The following RBFOX1 variants were observed in gnomAD, a reference collection of about 807,000 sequenced individuals.
RBFOX1 encodes RNA binding fox-1 homolog 1.
A neutral mutation model predicts 57.7 loss-of-function variants in RBFOX1; 8 were observed. The ratio of observed to expected loss-of-function variants is 0.14; its 90% CI spans 0.08 to 0.25. The LOEUF (loss-of-function observed/expected upper bound fraction) is 0.25. Among genes scored for constraint, RBFOX1 ranks in the 10% least tolerant of loss-of-function variants. RBFOX1 has a pLI of 1.00. For missense variants in RBFOX1, 611 were observed against 548.5 expected (o/e 1.11, Z -1.14); for synonymous variants, 326 against 222.4 (o/e 1.47, Z -4.15).
intron 4 of RBFOX1, among the ~76,000 whole-genome samples, chr16:7,390,973 G>C (rs1219798860): frequency 6.6e-6 from 1 of 152,118 alleles, no homozygotes; most frequent in Admixed American, 6.5e-5. Context: ...CTTGGAACAG[G>C]GAGTTTCCTG....
At chr16:5,873,235 T>C (rs9937027) in intron 4 of RBFOX1, among the ~76,000 whole-genome samples, 17,341 of 152,250 alleles carry the variant, frequency 0.11, 1,916 homozygotes, top group African/African-American at 0.28. Context: ...AGACCTGTTG[T>C]TTTGAAAGCT....
chr16:7,066,941 A>G (rs2056198119), intron 4 of RBFOX1, among the ~76,000 whole-genome samples: 1 of 152,226 alleles, frequency 6.6e-6, no homozygotes, highest in South Asian at 2.1e-4. Flanking sequence ...TAGTTTATAT[A>G]CCAAACTGTA....
At chr16:5,456,691 C>T (rs922001866) in intron 1 of RBFOX1, among the ~76,000 whole-genome samples, 2 of 152,138 alleles carry the variant, frequency 1.3e-5, no homozygotes, top group Non-Finnish European at 2.9e-5. Context: ...TTGGATACCT[C>T]TCTTCTCTTG....
intron 2 of RBFOX1, among the ~76,000 whole-genome samples, chr16:6,617,191 C>G (rs939750663): frequency 6.6e-6 from 1 of 151,854 alleles, no homozygotes; most frequent in Non-Finnish European, 1.5e-5. Flanking sequence ...TTGATCTCAT[C>G]TGTATAGGGT....
At chr16:6,096,429 T>A (rs188313098) in intron 1 of RBFOX1, among the ~76,000 whole-genome samples, 16 of 152,334 alleles carry the variant, frequency 1.1e-4, no homozygotes, top group African/African-American at 3.1e-4. Flanking sequence ...CGTGACAGCA[T>A]TTCCTCACAT....
At chr16:7,165,963 C>CATACATACATACGT (rs60902094) in intron 4 of RBFOX1, among the ~76,000 whole-genome samples, 17 of 76,040 alleles carry the variant, frequency 2.2e-4, no homozygotes, top group African/African-American at 6.0e-4. Flanking sequence ...CACACACACA[C>CATACATACATACGT]ACATACATAC....
At chr16:6,243,743 G>C (rs1462459042) in intron 1 of RBFOX1, among the ~76,000 whole-genome samples, 3 of 152,154 alleles carry the variant, frequency 2.0e-5, no homozygotes, top group Non-Finnish European at 4.4e-5. Context: ...TTCAGAAATT[G>C]CTGGGGGCCC....
intron 3 of RBFOX1, among the ~76,000 whole-genome samples, chr16:5,779,993 G>A (rs2054274959): frequency 6.6e-6 from 1 of 152,206 alleles, no homozygotes; most frequent in Admixed American, 6.5e-5. Flanking sequence ...TACCTTAAAA[G>A]CATGTTTGCT....
intron 1 of RBFOX1, among the ~76,000 whole-genome samples, chr16:6,139,849 G>A (rs2096700952): frequency 6.6e-6 from 1 of 152,144 alleles, no homozygotes; most frequent in Non-Finnish European, 1.5e-5. Flanking sequence ...CTTCTCAGGA[G>A]GAAGGAAGCA....
intron 1 of RBFOX1, among the ~76,000 whole-genome samples, chr16:6,289,409 G>A (rs1176689496): frequency 6.6e-6 from 1 of 152,096 alleles, no homozygotes; most frequent in African/African-American, 2.4e-5. Flanking sequence ...TAGGAAGTGA[G>A]GAAGTAACTC....
intron 6 of RBFOX1, among the ~76,000 whole-genome samples, chr16:7,581,679 T>C (rs1157502947): frequency 6.6e-6 from 1 of 152,124 alleles, no homozygotes; most frequent in Non-Finnish European, 1.5e-5. Context: ...AAAATTGTAC[T>C]ACCGGTCATC....
At chr16:6,853,044 C>T (rs942356017) in intron 3 of RBFOX1, among the ~76,000 whole-genome samples, 18 of 152,162 alleles carry the variant, frequency 1.2e-4, no homozygotes, top group Non-Finnish European at 2.4e-4. Flanking sequence ...TGGCTTATTG[C>T]CAGGCAACCC....
chr16:7,584,702 G>T (rs977826969), intron 6 of RBFOX1, among the ~76,000 whole-genome samples: 12 of 152,250 alleles, frequency 7.9e-5, no homozygotes, highest in Non-Finnish European at 1.6e-4. Flanking sequence ...GTCTGCGAAT[G>T]AGTCGTGTCT....
chr16:5,368,686 G>T (rs971037939), intron 1 of RBFOX1, among the ~76,000 whole-genome samples: 1 of 152,118 alleles, frequency 6.6e-6, no homozygotes, highest in African/African-American at 2.4e-5. Flanking sequence ...AAAAATTCTG[G>T]CCTTTCAGGG....
At chr16:6,971,466 G>A (rs942641780) in intron 3 of RBFOX1, among the ~76,000 whole-genome samples, 1 of 151,718 alleles carries the variant, frequency 6.6e-6, no homozygotes, top group African/African-American at 2.4e-5. Context: ...GCAGTGCAGA[G>A]CTTTTCAGAT....
At chr16:6,815,721 C>T (rs1043136689) in intron 3 of RBFOX1, among the ~76,000 whole-genome samples, 3 of 152,232 alleles carry the variant, frequency 2.0e-5, no homozygotes, top group East Asian at 1.9e-4. Context: ...AACCATTACC[C>T]ACTCTTCTCT....
intron 3 of RBFOX1, among the ~76,000 whole-genome samples, chr16:6,966,101 A>G (rs184325794): frequency 6.6e-6 from 1 of 152,252 alleles, no homozygotes; most frequent in African/African-American, 2.4e-5. Context: ...GGGGTTCTCA[A>G]CCATAGACTG....
intron 4 of RBFOX1, among the ~76,000 whole-genome samples, chr16:7,517,448 T>C (rs534360163): frequency 1.3e-5 from 2 of 152,030 alleles, no homozygotes; most frequent in South Asian, 4.2e-4. Flanking sequence ...ATGCTTAAAA[T>C]GGGGATGTCA....
intron 2 of RBFOX1, among the ~76,000 whole-genome samples, chr16:6,492,585 A>T (rs1193112357): frequency 1.4e-5 from 2 of 142,080 alleles, no homozygotes; most frequent in East Asian, 3.9e-4. Context: ...AAATAAATAA[A>T]AATTAAATAA....
Sources: gnomAD v4.1 joint callset for allele counts (sites outside exome capture counted in the v4.1 genomes callset) on GRCh38, gnomAD v4.1.1 for gene constraint, MANE v1.5 for transcripts, NCBI Gene and HGNC (gene_info 2026-07-23, HGNC 2026-07-21) for gene names.